The following TSNARE1 variants were observed in gnomAD, a reference collection of about 807,000 sequenced individuals.
TSNARE1 encodes t-SNARE domain containing 1.
TSNARE1 carries 49 observed loss-of-function variants against 62.0 expected under a neutral mutation model. That is an observed-to-expected ratio of 0.79 (90% CI 0.63 to 1.00). The LOEUF (loss-of-function observed/expected upper bound fraction) is 1.00. Ranked by LOEUF, TSNARE1 falls within the 50% of genes least tolerant of loss-of-function variation. TSNARE1 has a pLI of 0.00. For missense variants in TSNARE1, 755 were observed against 700.1 expected (o/e 1.08, Z -0.88); for synonymous variants, 328 against 294.4 (o/e 1.11, Z -1.17).
At chr8:142,391,047 G>C (rs1587133127) in intron 1 of TSNARE1, among the ~76,000 whole-genome samples, 1 of 125,012 alleles carries the variant, frequency 8.0e-6, no homozygotes, top group Non-Finnish European at 1.8e-5. Context: ...GGGGGACTCT[G>C]TAACAGACGC....
intron 11 of TSNARE1, chr8:142,280,081 C>A: frequency 1.7e-6 from 2 of 1,207,774 alleles, no homozygotes; most frequent in Non-Finnish European, 2.1e-6. Context: ...GATGCGGCTC[C>A]ACACGCGGTG....
intron 10 of TSNARE1, among the ~76,000 whole-genome samples, chr8:142,292,445 C>T (rs1185752322): frequency 6.6e-6 from 1 of 152,024 alleles, no homozygotes; most frequent in Non-Finnish European, 1.5e-5. Flanking sequence ...CAGAATTGGA[C>T]GAGGGAGACG....
chr8:142,393,548 G>A (rs1471393084), intron 1 of TSNARE1, among the ~76,000 whole-genome samples: 1 of 152,236 alleles, frequency 6.6e-6, no homozygotes, highest in Non-Finnish European at 1.5e-5. Context: ...AATTTACAAT[G>A]GTCACAATAG....
chr8:142,317,834 T>C (rs2131685361), intron 7 of TSNARE1, among the ~76,000 whole-genome samples: 1 of 152,286 alleles, frequency 6.6e-6, no homozygotes, highest in South Asian at 2.1e-4. Flanking sequence ...GACGGGCGCC[T>C]GTAATCTCAG....
At position 142,271,778 on chromosome 8, in the gene TSNARE1, T is replaced by A; in HGVS notation, c.1446+3003A>T. The stretch of plus-strand genomic sequence containing the variant: ...GAGCAGGGTGCAGGGAGAGTGCCCA[T>A]GTGAGGCCTCTGCACCTGGAGCTGT... On this transcript the variant is annotated intron_variant, in intron 12 of 13. Coordinates refer to ENST00000524325, the MANE Select transcript of TSNARE1 (RefSeq NM_145003.5). 3 of 937,698 alleles carry A rather than the reference T, an allele frequency of 3.2e-6. No homozygotes were observed. In the Admixed American group the frequency reaches 1.2e-4, roughly 39 times the overall value. 58.1% of individuals were successfully genotyped at this position (937,698 alleles called of 1,614,324 possible). A position where few individuals can be genotyped will look rare whatever the true frequency, so the allele number is the denominator to read the frequency against.
intron 11 of TSNARE1, among the ~76,000 whole-genome samples, chr8:142,281,118 G>A (rs1821376852): frequency 6.6e-6 from 1 of 152,196 alleles, no homozygotes; most frequent in Admixed American, 6.5e-5. Flanking sequence ...CTCGGCACAG[G>A]CCCCAAGGTG....
chr8:142,397,571 A>G (rs1273254547), intron 1 of TSNARE1, among the ~76,000 whole-genome samples: 6 of 152,138 alleles, frequency 3.9e-5, no homozygotes, highest in South Asian at 2.1e-4. Flanking sequence ...CCCTCCCCAC[A>G]GGGCAAATCA....
At chr8:142,259,993 GGC>G (rs1491250320) in intron 12 of TSNARE1, among the ~76,000 whole-genome samples, 4 of 151,974 alleles carry the variant, frequency 2.6e-5, no homozygotes, top group Admixed American at 6.5e-5. Flanking sequence ...GGTGCCCTCG[GGC>G]CGCAGAGGCC....
rs1481246812 is a variant in TSNARE1 at position 142,222,843 on chromosome 8, T to TTCATCCACTCAC, written c.*11+6618_*11+6629dup. Among the ~76,000 whole-genome samples the TTCATCCACTCAC allele has an allele frequency of 7.9e-3, 776 of 98,060 alleles. 41 individuals carry two copies. The highest frequency in any genetic ancestry group is 0.031 in the African/African-American group (715 of 23,152). 64.3% of individuals were successfully genotyped at this position (98,060 alleles called of 152,430 possible). A position where few individuals can be genotyped will look rare whatever the true frequency, so the allele number is the denominator to read the frequency against. On this transcript the variant is annotated intron_variant, in intron 13 of 13. Transcript: ENST00000524325. ...ACTCACTCACTCATTCACTCACTCATTCATCCACTCACTCATCCACTCACT... is the reference window on the plus strand; with the variant it reads ...ACTCACTCACTCATTCACTCACTCATTCATCCACTCACTCATCCACTCACTCATCCACTCACT...
chr8:142,403,176 A>G lies in TSNARE1; in HGVS notation c.-112T>C, dbSNP rs1838435678. 1 of 146,800 alleles carries G rather than the reference A, an allele frequency of 6.8e-6. No homozygotes were observed. Among genetic ancestry groups the G allele is most frequent in the African/African-American group, 2.5e-5 (1 of 40,342 alleles). The allele number at this position is 146,800 out of a possible 1,614,324, so 9.1% of individuals were successfully genotyped here. On this transcript the variant is annotated 5_prime_UTR_variant, in exon 1 of 14. The change abolishes an upstream ATG in the 5' untranslated region. Coordinates refer to ENST00000524325, the MANE Select transcript of TSNARE1 (RefSeq NM_145003.5). ...AGGCGGGCGGGGCGGGCACCCAAACATCACGTGACGGCCCCTCCCGCCGCC... is the reference window on the plus strand; with the variant it reads ...AGGCGGGCGGGGCGGGCACCCAAACGTCACGTGACGGCCCCTCCCGCCGCC...
chr8:142,361,557 C>T (rs1320298791), intron 1 of TSNARE1, among the ~76,000 whole-genome samples: 2 of 152,196 alleles, frequency 1.3e-5, no homozygotes, highest in Non-Finnish European at 2.9e-5. Context: ...CTCCACGGTG[C>T]CCACCTGCGG....
chr8:142,225,811 G>A (rs1296508414), intron 13 of TSNARE1, among the ~76,000 whole-genome samples: 1 of 152,232 alleles, frequency 6.6e-6, no homozygotes, highest in Admixed American at 6.5e-5. Context: ...ACCGTATGCG[G>A]GCGGTGCTCT....
rs149770162 is a variant in TSNARE1 at position 142,340,185 on chromosome 8, C to T, written c.745+3781G>A. The stretch of plus-strand genomic sequence containing the variant: ...CTTGGAAGATGGAGACAGGCGAGCA[C>T]CAGTCCAAAAAGAACACGGGGCCAC... On this transcript the variant is annotated intron_variant, in intron 4 of 13. Coordinates refer to ENST00000524325, the MANE Select transcript of TSNARE1 (RefSeq NM_145003.5). 9.2e-5 allele frequency among the ~76,000 whole-genome samples: 14 copies of T among 152,314 alleles called. No homozygotes were observed. The East Asian group carries it at 2.5e-3, about 27-fold the overall frequency.
chr8:142,356,654 T>C (rs879530235), intron 1 of TSNARE1, among the ~76,000 whole-genome samples: 4 of 152,276 alleles, frequency 2.6e-5, no homozygotes, highest in Non-Finnish European at 5.9e-5. Context: ...TAGCACTTCC[T>C]TAACACTTGG....
chr8:142,374,254 G>A (rs756772203), intron 1 of TSNARE1, among the ~76,000 whole-genome samples: 25 of 150,612 alleles, frequency 1.7e-4, no homozygotes, highest in Non-Finnish European at 3.1e-4. Flanking sequence ...GCAGTGAGCC[G>A]AGATTATGCC....
At chr8:142,359,567 T>C (rs1317780473) in intron 1 of TSNARE1, among the ~76,000 whole-genome samples, 1 of 152,012 alleles carries the variant, frequency 6.6e-6, no homozygotes, top group African/African-American at 2.4e-5. Context: ...GCCACACAAG[T>C]CCATGAGGAG....
chr8:142,271,860 A>T (rs1290639100), intron 12 of TSNARE1, among the ~76,000 whole-genome samples: 1 of 151,932 alleles, frequency 6.6e-6, no homozygotes, highest in African/African-American at 2.4e-5. Context: ...AGAGATGAGG[A>T]AACAGACCCA....
intron 7 of TSNARE1, among the ~76,000 whole-genome samples, chr8:142,317,403 G>A (rs1453188958): frequency 3.3e-5 from 5 of 149,364 alleles, no homozygotes; most frequent in African/African-American, 4.9e-5. Flanking sequence ...CGCGTGAAGC[G>A]GGTATGGCCA....
upstream of TSNARE1, chr8:142,404,143 G>A (rs9802050): frequency 0.81 from 123,993 of 152,306 alleles, 50,564 homozygotes; most frequent in Middle Eastern, 0.86. Flanking sequence ...AAAGCCCTGC[G>A]GGCAGCCCTG....
Sources: allele counts gnomAD v4.1 joint callset (sites outside exome capture counted in the v4.1 genomes callset), GRCh38; gene constraint gnomAD v4.1.1; transcripts MANE v1.5; gene names NCBI Gene and HGNC (gene_info 2026-07-23, HGNC 2026-07-21).